Variants in CSMD1 observed in about 807,000 individuals in gnomAD.
CSMD1 encodes CUB and Sushi multiple domains 1, also known as CUB and sushi domain-containing protein 1.
CSMD1 carries 213 observed loss-of-function variants against 417.5 expected under a neutral mutation model. The observed-to-expected ratio is 0.51, with a 90% CI of 0.46 to 0.57. The LOEUF (loss-of-function observed/expected upper bound fraction) is 0.57. Ranked by LOEUF, CSMD1 falls within the 20% of genes least tolerant of loss-of-function variation. CSMD1 has a pLI of 0.00. For missense variants in CSMD1, 6,923 were observed against 4,529.7 expected (o/e 1.53, Z -15.17); for synonymous variants, 2,862 against 1,736.8 (o/e 1.65, Z -16.11).
At chr8:3,396,662 A>T (rs1013211454) in intron 16 of CSMD1, among the ~76,000 whole-genome samples, 1 of 152,168 alleles carries the variant, frequency 6.6e-6, no homozygotes, top group Non-Finnish European at 1.5e-5. Flanking sequence ...AAATACTATG[A>T]ACCAGATTAG....
At chr8:4,230,542 C>T (rs1248707951) in intron 3 of CSMD1, among the ~76,000 whole-genome samples, 1 of 152,226 alleles carries the variant, frequency 6.6e-6, no homozygotes, top group South Asian at 2.1e-4. Context: ...GCCAGTTGCT[C>T]AATTATATTG....
chr8:3,142,348 A>C (rs371514171), intron 41 of CSMD1, 117 bp downstream of exon 41: 3 of 932,992 alleles, frequency 3.2e-6, no homozygotes, highest in East Asian at 2.6e-5. Context: ...CATTCCACCA[A>C]AAAATTATTC....
intron 5 of CSMD1, among the ~76,000 whole-genome samples, chr8:3,953,000 T>C (rs530333910): frequency 6.6e-6 from 1 of 151,860 alleles, no homozygotes; most frequent in African/African-American, 2.4e-5. Context: ...AAAAATAACA[T>C]TATTTAAAAA....
intron 5 of CSMD1, among the ~76,000 whole-genome samples, chr8:3,879,845 G>C (rs75413186): frequency 0.18 from 27,302 of 151,996 alleles, 2,729 homozygotes; most frequent in African/African-American, 0.26. Context: ...GCGTGTGTGT[G>C]TGTGTGTGTT....
chr8:3,340,587 C>G (rs546027229), intron 23 of CSMD1, among the ~76,000 whole-genome samples: 1 of 152,036 alleles, frequency 6.6e-6, no homozygotes, highest in Non-Finnish European at 1.5e-5. Flanking sequence ...AAATAACTTG[C>G]GTAAAATATT....
At chr8:4,255,986 G>A (rs1240808164) in intron 3 of CSMD1, among the ~76,000 whole-genome samples, 6 of 152,152 alleles carry the variant, frequency 3.9e-5, no homozygotes, top group Non-Finnish European at 8.8e-5. Flanking sequence ...ATACGACTAC[G>A]TGCAGGGTAG....
At chr8:4,687,352 T>C (rs1405707517) in intron 1 of CSMD1, among the ~76,000 whole-genome samples, 1 of 152,144 alleles carries the variant, frequency 6.6e-6, no homozygotes, top group Non-Finnish European at 1.5e-5. Flanking sequence ...CGAACAGGAC[T>C]AAAGTACATT....
At chr8:3,777,270 G>A (rs561013762) in intron 5 of CSMD1, among the ~76,000 whole-genome samples, 5 of 152,026 alleles carry the variant, frequency 3.3e-5, no homozygotes, top group African/African-American at 9.6e-5. Context: ...CTTGATTTCT[G>A]CTTGGTGCAC....
intron 7 of CSMD1, among the ~76,000 whole-genome samples, chr8:3,619,655 C>G (rs1802322208): frequency 6.6e-6 from 1 of 151,994 alleles, no homozygotes; most frequent in Non-Finnish European, 1.5e-5. Context: ...ACATAATAAT[C>G]AAACTGTTAG....
At chr8:3,428,172 T>C (rs1015633711) in intron 12 of CSMD1, among the ~76,000 whole-genome samples, 2 of 152,226 alleles carry the variant, frequency 1.3e-5, no homozygotes, top group African/African-American at 2.4e-5. Flanking sequence ...TTCAACTATA[T>C]GGTTGGGGAC....
chr8:3,154,126 C>A (rs542011941), intron 39 of CSMD1, among the ~76,000 whole-genome samples: 1 of 152,208 alleles, frequency 6.6e-6, no homozygotes, highest in Non-Finnish European at 1.5e-5. Flanking sequence ...ACAACTGCGA[C>A]TACGCCTGGC....
chr8:4,812,256 T>C (rs187140559), intron 1 of CSMD1, among the ~76,000 whole-genome samples: 3 of 152,204 alleles, frequency 2.0e-5, no homozygotes, highest in Non-Finnish European at 2.9e-5. Context: ...ATTTCACAGA[T>C]GAATAGTTCT....
intron 7 of CSMD1, among the ~76,000 whole-genome samples, chr8:3,677,108 A>C (rs12676229): frequency 6.6e-6 from 1 of 151,860 alleles, no homozygotes; most frequent in Non-Finnish European, 1.5e-5. Flanking sequence ...ACCATGACAC[A>C]TGTAGTTCTA....
chr8:3,004,119 G>A (rs756226182), intron 52 of CSMD1, among the ~76,000 whole-genome samples: 12 of 152,188 alleles, frequency 7.9e-5, no homozygotes, highest in Non-Finnish European at 1.5e-4. Context: ...TGGGGTGAGG[G>A]CAGCCCTGCA....
chr8:4,108,017 C>T (rs954459044), intron 3 of CSMD1, among the ~76,000 whole-genome samples: 3 of 150,482 alleles, frequency 2.0e-5, no homozygotes, highest in Non-Finnish European at 2.9e-5. Context: ...GACAGAAAGA[C>T]TGCAGGGGAG....
chr8:3,006,746 T>C (rs1807939997), intron 52 of CSMD1, among the ~76,000 whole-genome samples: 1 of 151,672 alleles, frequency 6.6e-6, no homozygotes, highest in African/African-American at 2.4e-5. Context: ...CTGGATCCCT[T>C]CCTTACAGCT....
intron 1 of CSMD1, among the ~76,000 whole-genome samples, chr8:4,801,623 C>T (rs1332081091): frequency 6.6e-6 from 1 of 152,034 alleles, no homozygotes; most frequent in Non-Finnish European, 1.5e-5. Context: ...TTGACACACT[C>T]TGGATTCTGA....
intron 12 of CSMD1, among the ~76,000 whole-genome samples, chr8:3,425,151 C>CT (rs1453608920): frequency 1.3e-5 from 2 of 152,158 alleles, no homozygotes; most frequent in African/African-American, 4.8e-5. Flanking sequence ...TTGTGAATCT[C>CT]TTACTGTGTC....
Position 3,284,129 on chromosome 8 carries a change from C to A in CSMD1, c.4153+15G>T. 6 of 1,548,418 alleles carry A rather than the reference C, an allele frequency of 3.9e-6. No individual in the cohort carries two copies. The highest frequency in any genetic ancestry group is 5.2e-6 in the Non-Finnish European group (6 of 1,143,324). On this transcript the variant is annotated intron_variant, in intron 26 of 69. Coordinates refer to ENST00000635120, the MANE Select transcript of CSMD1 (RefSeq NM_033225.6). Reference sequence around the variant, plus strand: ...TTGATATCAAGGTAAAGAAGAAGCACGCTGTGCCACCTACTGGAGAACTGG... The same window carrying A: ...TTGATATCAAGGTAAAGAAGAAGCAAGCTGTGCCACCTACTGGAGAACTGG...
Sources: allele counts gnomAD v4.1 joint callset (sites outside exome capture counted in the v4.1 genomes callset), GRCh38; gene constraint gnomAD v4.1.1; transcripts MANE v1.5; gene names NCBI Gene and HGNC (gene_info 2026-07-23, HGNC 2026-07-21).